Variants in FAM228B observed in about 807,000 individuals in gnomAD.
The protein encoded by FAM228B is protein FAM228B.
FAM228B carries 38 observed loss-of-function variants against 42.6 expected under a neutral mutation model. The ratio of observed to expected loss-of-function variants is 0.89; its 90% confidence interval spans 0.69 to 1.17. FAM228B has a LOEUF of 1.17. Among genes scored for constraint, FAM228B ranks in the 50% most tolerant of loss-of-function variants. The probability of loss-of-function intolerance (pLI) is 0.00; values close to 1 mark genes in which losing one functional copy is unlikely to be tolerated. For synonymous variants in FAM228B, 109 were observed against 122.3 expected (o/e 0.89, Z 0.72); for missense variants, 344 against 367.3 (o/e 0.94, Z 0.52).
chr2:24,107,205 G>T (rs1478548453), intron 3 of FAM228B, among the ~76,000 whole-genome samples: 1 of 152,010 alleles, frequency 6.6e-6, no homozygotes, highest in African/African-American at 2.4e-5. Flanking sequence ...ATAGTAAAGG[G>T]TACAATTCAA....
upstream of FAM228B, chr2:24,119,467 A>G: frequency 1.3e-6 from 1 of 743,916 alleles, no homozygotes; most frequent in Non-Finnish European, 2.2e-6. Flanking sequence ...CATCCTTCCA[A>G]TAAATTCCTC....
chr2:24,081,720 ACTCT>A (rs1038046092), intron 2 of FAM228B, among the ~76,000 whole-genome samples: 1 of 139,642 alleles, frequency 7.2e-6, no homozygotes, highest in African/African-American at 2.7e-5. Context: ...ACGGAGTCTC[ACTCT>A]GTCACCCAGG....
chr2:24,093,545 C>CT (rs1196667194), intron 2 of FAM228B, among the ~76,000 whole-genome samples: 3 of 152,146 alleles, frequency 2.0e-5, no homozygotes, highest in Admixed American at 6.5e-5. Context: ...TTTATCCACT[C>CT]TATCATTGAT....
intron 2 of FAM228B, chr2:24,082,872 G>C: frequency 6.3e-7 from 1 of 1,594,716 alleles, no homozygotes; most frequent in Non-Finnish European, 8.6e-7. Flanking sequence ...AGTGAGCATG[G>C]AGGCCTCCTC....
At chr2:24,106,209 G>C (rs1665694283) in intron 3 of FAM228B, among the ~76,000 whole-genome samples, 1 of 151,664 alleles carries the variant, frequency 6.6e-6, no homozygotes, top group Admixed American at 6.6e-5. Flanking sequence ...AAGGCAGCTA[G>C]AGAGAAAGGG....
chr2:24,089,696 A>G (rs1179194505), intron 2 of FAM228B, among the ~76,000 whole-genome samples: 1 of 152,242 alleles, frequency 6.6e-6, no homozygotes, highest in African/African-American at 2.4e-5. Context: ...CAACCGAGGA[A>G]GAAATAAACA....
intron 2 of FAM228B, among the ~76,000 whole-genome samples, chr2:24,086,100 T>G (rs1367848999): frequency 6.6e-6 from 1 of 151,938 alleles, no homozygotes; most frequent in Non-Finnish European, 1.5e-5. Context: ...CCGGGCGTGG[T>G]GGCGGGCGCC....
chr2:24,129,440 C>A (rs953621890), intron 2 of FAM228B, among the ~76,000 whole-genome samples: 1 of 151,982 alleles, frequency 6.6e-6, no homozygotes, highest in Non-Finnish European at 1.5e-5. Flanking sequence ...TTCTTTTACT[C>A]CTCACTTCTG....
At chr2:24,135,941 C>T (rs1312925450) in intron 3 of FAM228B, among the ~76,000 whole-genome samples, 6 of 98,152 alleles carry the variant, frequency 6.1e-5, no homozygotes, top group Admixed American at 3.0e-4. Context: ...TTACTCTTGC[C>T]TTTTTTTTTT....
intron 1 of FAM228B, 38 bp downstream of exon 1, chr2:24,123,571 G>A (rs1666201558): frequency 6.6e-6 from 1 of 152,108 alleles, no homozygotes; most frequent in Non-Finnish European, 1.5e-5. Flanking sequence ...AGACGCGGGC[G>A]GGCTCCCTTC....
chr2:24,149,585 A>AC (rs1666978872), intron 7 of FAM228B, among the ~76,000 whole-genome samples: 1 of 152,140 alleles, frequency 6.6e-6, no homozygotes, highest in Non-Finnish European at 1.5e-5. Flanking sequence ...GGCACATGCC[A>AC]CCACACCCAG....
rs1436397692 is a variant in FAM228B at position 24,080,153 on chromosome 2, T to C, written c.-289-723T>C. 6.6e-6 allele frequency among the ~76,000 whole-genome samples: 1 copy of C among 152,112 alleles called. No homozygotes were observed. Among genetic ancestry groups the C allele is most frequent in the Non-Finnish European group, 1.5e-5 (1 of 68,018 alleles). Reference sequence around the variant, plus strand: ...AGGTGGATCACCTGAGGTCAGGAGTTCGAGACCAGCCTGGCCAACATAGTG... The same window carrying C: ...AGGTGGATCACCTGAGGTCAGGAGTCCGAGACCAGCCTGGCCAACATAGTG... On this transcript the variant is annotated intron_variant, in intron 1 of 10. Transcript: ENST00000613899. The surrounding 1 kb of genome is among the most constrained non-coding windows in gnomAD (Gnocchi z 4.7).
At chr2:24,162,433 A>C (rs1418459688) in intron 8 of FAM228B, among the ~76,000 whole-genome samples, 2 of 152,206 alleles carry the variant, frequency 1.3e-5, no homozygotes, top group Non-Finnish European at 2.9e-5. Context: ...TCTTGTGACT[A>C]TCTGGTTAAA....
chr2:24,093,713 T>G (rs545038649), intron 2 of FAM228B, among the ~76,000 whole-genome samples: 4 of 151,838 alleles, frequency 2.6e-5, no homozygotes, highest in African/African-American at 7.2e-5. Flanking sequence ...CCTCCTGGGT[T>G]CAAGCGATTC....
chr2:24,079,291 G>T, intron 1 of FAM228B: 1 of 735,126 alleles, frequency 1.4e-6, no homozygotes. Flanking sequence ...TCAGTTCTCT[G>T]AAATCGGGTT....
In FAM228B at chr2:24,077,277, G is replaced by A. The variant is rs1314139956; in HGVS notation, c.-290+308G>A. ...AATATGTGGGGTTCTGGCGGCTTGTGTCACGGCTGACGCTGTAACTATACC... is the reference window on the plus strand; with the variant it reads ...AATATGTGGGGTTCTGGCGGCTTGTATCACGGCTGACGCTGTAACTATACC... On this transcript the variant is annotated intron_variant, in intron 1 of 10. Coordinates refer to the FAM228B transcript ENST00000613899. The surrounding 1 kb of genome is among the most constrained non-coding windows in gnomAD (Gnocchi z 5.5). Among the ~76,000 whole-genome samples, 1 of 152,068 alleles carries A rather than the reference G, an allele frequency of 6.6e-6. No homozygotes were observed. Among genetic ancestry groups the A allele is most frequent in the Non-Finnish European group, 1.5e-5 (1 of 67,996 alleles).
Position 24,086,234 on chromosome 2 carries a change from C to CAAAAAAAAA in FAM228B, c.-210+5289_-210+5297dup, listed in dbSNP as rs57641176. Reference sequence around the variant, plus strand: ...TGGACGACAGAGTGAGACTCCGTCTCAAAAAAAAAAAAAAAAAAGGAATTT... The same window carrying CAAAAAAAAA: ...TGGACGACAGAGTGAGACTCCGTCTCAAAAAAAAAAAAAAAAAAAAAAAAAAAGGAATTT... On this transcript the variant is annotated intron_variant, in intron 2 of 10. Coordinates refer to the FAM228B transcript ENST00000613899. 6.2e-3 allele frequency among the ~76,000 whole-genome samples: 397 copies of CAAAAAAAAA among 63,752 alleles called. 8 individuals carry two copies. The highest frequency in any genetic ancestry group is 8.0e-3 in the African/African-American group (135 of 16,804). The allele number at this position is 63,752 out of a possible 152,430, so 41.8% of individuals were successfully genotyped here.
upstream of FAM228B, among the ~76,000 whole-genome samples, chr2:24,121,960 C>T (rs1666132255): frequency 6.6e-6 from 1 of 152,156 alleles, no homozygotes; most frequent in African/African-American, 2.4e-5. Context: ...TCAGGTATTC[C>T]TTTATATCAA....
At chr2:24,111,443 C>T (rs148436570) in intron 3 of FAM228B, among the ~76,000 whole-genome samples, 120 of 152,268 alleles carry the variant, frequency 7.9e-4, no homozygotes, top group African/African-American at 2.7e-3. Context: ...GGCTTGAGAG[C>T]CATTCTTTGC....
Sources: allele counts gnomAD v4.1 joint callset (sites outside exome capture counted in the v4.1 genomes callset), GRCh38; gene constraint gnomAD v4.1.1; non-coding constraint Gnocchi (gnomAD v3.1); transcripts MANE v1.5; gene names NCBI Gene and HGNC (gene_info 2026-07-23, HGNC 2026-07-21).